The following KIF26B variants were observed in gnomAD, a reference collection of about 807,000 sequenced individuals.
KIF26B encodes the protein kinesin-like protein KIF26B.
Under a neutral mutation model 151.2 loss-of-function variants are expected in KIF26B, and 63 were observed. The ratio of observed to expected loss-of-function variants is 0.42; its 90% CI spans 0.34 to 0.51. KIF26B has a LOEUF of 0.51. Ranked by LOEUF, KIF26B falls within the 20% of genes least tolerant of loss-of-function variation. The pLI is 0.07. For synonymous variants in KIF26B, 1,357 were observed against 1,262.1 expected (o/e 1.08, Z -1.59); for missense variants, 2,813 against 2,913.6 (o/e 0.97, Z 0.79).
intron 4 of KIF26B, among the ~76,000 whole-genome samples, chr1:245,435,367 A>G (rs1238500943): frequency 6.6e-6 from 1 of 152,208 alleles, no homozygotes; most frequent in Non-Finnish European, 1.5e-5. Flanking sequence ...GCCATCCAGT[A>G]TGGCTTTTGC....
rs866989354 is a variant in KIF26B, at chr1:245,230,667, C to T, written c.465+73984C>T. Among the ~76,000 whole-genome samples, 11 of 151,676 alleles carry T rather than the reference C, an allele frequency of 7.3e-5. No individual in the cohort carries two copies. In the Middle Eastern group the frequency reaches 0.017, roughly 235 times the overall value. The stretch of plus-strand genomic sequence containing the variant: ...ATGAGGCAGGAGAATCGCTTGAACC[C>T]GGGAGGCAGAGGTTGTGGTGAGCCA... On this transcript the variant is annotated intron_variant, in intron 2 of 14. Transcript: ENST00000407071.
Position 245,227,427 on chromosome 1 carries a change from C to T in KIF26B, c.465+70744C>T, listed in dbSNP as rs1268754634. On this transcript the variant is annotated intron_variant, in intron 2 of 14. Coordinates refer to ENST00000407071, the MANE Select transcript of KIF26B (RefSeq NM_018012.4). This position sits in a 1 kb window ranked among gnomAD's most constrained non-coding sequence, Gnocchi z 4.1. Reference sequence around the variant, plus strand: ...TCTGCATCTGGGCCTAAGGCTGCGGCCTCCGTCCTCTTCGCCATCATTGGC... The same window carrying T: ...TCTGCATCTGGGCCTAAGGCTGCGGTCTCCGTCCTCTTCGCCATCATTGGC... 6.6e-6 allele frequency among the ~76,000 whole-genome samples: 1 copy of T among 152,206 alleles called. No homozygotes were observed. Among genetic ancestry groups the T allele is most frequent in the African/African-American group, 2.4e-5 (1 of 41,448 alleles).
At chr1:245,440,438 C>G (rs1659050383) in intron 4 of KIF26B, among the ~76,000 whole-genome samples, 2 of 152,100 alleles carry the variant, frequency 1.3e-5, no homozygotes, top group South Asian at 4.1e-4. Context: ...GAAGAAGCAG[C>G]CTTAGGGAAC....
At chr1:245,590,945 G>A (rs1470310805) in intron 5 of KIF26B, among the ~76,000 whole-genome samples, 1 of 151,696 alleles carries the variant, frequency 6.6e-6, no homozygotes, top group Admixed American at 6.6e-5. Context: ...GATGACGTTG[G>A]GCAAGTGTGG....
intron 4 of KIF26B, among the ~76,000 whole-genome samples, chr1:245,511,792 TG>T (rs1425155288): frequency 6.6e-6 from 1 of 152,210 alleles, no homozygotes; most frequent in Non-Finnish European, 1.5e-5. Flanking sequence ...CATCTTTCTG[TG>T]TGAGGGCTTC....
At chr1:245,371,228 T>C (rs545203531) in intron 3 of KIF26B, among the ~76,000 whole-genome samples, 3 of 152,320 alleles carry the variant, frequency 2.0e-5, no homozygotes, top group Non-Finnish European at 4.4e-5. Context: ...CCCTGTGTTG[T>C]GACTGTGTCG....
intron 2 of KIF26B, among the ~76,000 whole-genome samples, chr1:245,261,704 C>A (rs975296925): frequency 6.6e-6 from 1 of 152,018 alleles, no homozygotes; most frequent in Non-Finnish European, 1.5e-5. Context: ...CCCACCTCAG[C>A]CTCTCTATAG....
At chr1:245,175,064 A>G (rs1461928263) in intron 2 of KIF26B, among the ~76,000 whole-genome samples, 13 of 152,154 alleles carry the variant, frequency 8.5e-5, no homozygotes. Flanking sequence ...CCCATTGCTC[A>G]TTCCTTGCTG....
intron 4 of KIF26B, among the ~76,000 whole-genome samples, chr1:245,440,386 A>T (rs1301922811): frequency 6.6e-6 from 1 of 152,176 alleles, no homozygotes; most frequent in Non-Finnish European, 1.5e-5. Flanking sequence ...TGGCACGTGG[A>T]TAGATTATTC....
rs76261436 is a variant in KIF26B, at chr1:245,241,421, G to A, written c.465+84738G>A. 0.01 allele frequency among the ~76,000 whole-genome samples: 1,527 copies of A among 152,292 alleles called. 22 individuals carry two copies. The highest frequency in any genetic ancestry group is 0.034 in the African/African-American group (1,421 of 41,550). ...GGTGGTCTGGTTCTAAGTAGGAGAA[G>A]AGGTGGAACTTGGAGCTGGGCACCA... On this transcript the variant is annotated intron_variant, in intron 2 of 14. Coordinates refer to ENST00000407071, the MANE Select transcript of KIF26B (RefSeq NM_018012.4). The surrounding 1 kb of genome is among the most constrained non-coding windows in gnomAD (Gnocchi z 5.0).
rs778288277 is a variant in KIF26B, at chr1:245,244,233, AG to A, written c.465+87552del. Among the ~76,000 whole-genome samples the A allele has an allele frequency of 2.0e-5, 3 of 152,176 alleles. No individual in the cohort carries two copies. Among genetic ancestry groups the A allele is most frequent in the Non-Finnish European group, 2.9e-5 (2 of 68,028 alleles). On this transcript the variant is annotated intron_variant, in intron 2 of 14. Coordinates refer to ENST00000407071, the MANE Select transcript of KIF26B (RefSeq NM_018012.4). This position sits in a 1 kb window ranked among gnomAD's most constrained non-coding sequence, Gnocchi z 4.2. ...TAGCCTCCCAAAGTGCTGGGATTGT[AG>A]GAGTGAGCCACTGTACCTGGCCTCC...
At chr1:245,162,056 C>T (rs891216554) in intron 2 of KIF26B, among the ~76,000 whole-genome samples, 13 of 152,190 alleles carry the variant, frequency 8.5e-5, no homozygotes, top group African/African-American at 2.9e-4. Context: ...AAACCCTGCC[C>T]GAGGGCCCCG....
At chr1:245,570,259 A>T (rs2043054710) in intron 5 of KIF26B, among the ~76,000 whole-genome samples, 1 of 151,824 alleles carries the variant, frequency 6.6e-6, no homozygotes, top group Non-Finnish European at 1.5e-5. Flanking sequence ...TTTGATTTCC[A>T]CTTTATAGAT....
intron 2 of KIF26B, among the ~76,000 whole-genome samples, chr1:245,234,235 C>G (rs562511051): frequency 1.3e-5 from 2 of 152,218 alleles, no homozygotes; most frequent in African/African-American, 4.8e-5. Flanking sequence ...GTAGCCTGTT[C>G]CCAGTGGAGG....
At chr1:245,311,405 T>TG (rs1266507019) in intron 2 of KIF26B, among the ~76,000 whole-genome samples, 1 of 151,978 alleles carries the variant, frequency 6.6e-6, no homozygotes, top group Non-Finnish European at 1.5e-5. Flanking sequence ...GCTGCTTTTT[T>TG]GGGGAAGTTA....
chr1:245,644,870 A>C (rs1296232818), intron 9 of KIF26B, among the ~76,000 whole-genome samples: 1 of 152,190 alleles, frequency 6.6e-6, no homozygotes, highest in Middle Eastern at 3.2e-3. Flanking sequence ...ATTTATAAAG[A>C]GGCTTATTCT....
At chr1:245,162,672 C>T (rs1668552627) in intron 2 of KIF26B, among the ~76,000 whole-genome samples, 1 of 152,172 alleles carries the variant, frequency 6.6e-6, no homozygotes, top group Non-Finnish European at 1.5e-5. Context: ...GCAGAAATAT[C>T]TTATTTTAAA....
chr1:245,583,231 T>C (rs2043192896), intron 5 of KIF26B, among the ~76,000 whole-genome samples: 2 of 152,216 alleles, frequency 1.3e-5, no homozygotes, highest in South Asian at 4.1e-4. Context: ...CTACCCGGAC[T>C]TAAAGATCTA....
intron 5 of KIF26B, among the ~76,000 whole-genome samples, chr1:245,548,015 T>C (rs1476218718): frequency 6.6e-6 from 1 of 152,174 alleles, no homozygotes; most frequent in African/African-American, 2.4e-5. Flanking sequence ...CCTGCCTGCT[T>C]CATATGAGTA....
Sources: gnomAD v4.1 joint callset for allele counts (sites outside exome capture counted in the v4.1 genomes callset) on GRCh38, gnomAD v4.1.1 for gene constraint, Gnocchi (gnomAD v3.1) non-coding constraint, MANE v1.5 for transcripts, NCBI Gene and HGNC (gene_info 2026-07-23, HGNC 2026-07-21) for gene names.